Variants in NUP98 observed in about 807,000 individuals in gnomAD.
NUP98 encodes nucleoporin 98 and 96 precursor.
In NUP98, 26 loss-of-function variants were observed where a neutral mutation model predicts 191.9. The ratio of observed to expected loss-of-function variants is 0.14; its 90% CI spans 0.10 to 0.19. The LOEUF is 0.19. Among genes scored for constraint, NUP98 ranks in the 10% least tolerant of loss-of-function variants. NUP98 has a pLI of 1.00. For synonymous variants in NUP98, 808 were observed against 778.4 expected (o/e 1.04, Z -0.63); for missense variants, 1,941 against 2,178.8 (o/e 0.89, Z 2.17).
intron 13 of NUP98, among the ~76,000 whole-genome samples, chr11:3,732,980 A>G (rs560549434): frequency 6.6e-6 from 1 of 152,386 alleles, no homozygotes; most frequent in East Asian, 1.9e-4. Flanking sequence ...CTGAAAACAA[A>G]GCCTTATCAA....
chr11:3,797,379 C>G (rs2082718489), intron 1 of NUP98, 21 bp downstream of exon 1: 1 of 402,220 alleles, frequency 2.5e-6, no homozygotes, highest in African/African-American at 2.1e-5. Flanking sequence ...TCGGCCGCTG[C>G]AGCTCGGGCT....
At chr11:3,758,961 C>T (rs1292331420) in intron 10 of NUP98, among the ~76,000 whole-genome samples, 2 of 152,192 alleles carry the variant, frequency 1.3e-5, no homozygotes, top group African/African-American at 4.8e-5. Flanking sequence ...AAACCAAACA[C>T]ATCAATTTAG....
intron 17 of NUP98, 111 bp from the exon 18 acceptor site, chr11:3,719,661 A>G (rs2079318991): frequency 1.3e-6 from 1 of 743,252 alleles, no homozygotes; most frequent in Non-Finnish European, 2.0e-6. Context: ...AAGTATTAGT[A>G]TTTTAAATAA....
At chr11:3,708,002 G>A (rs1488141243) in intron 20 of NUP98, among the ~76,000 whole-genome samples, 1 of 152,084 alleles carries the variant, frequency 6.6e-6, no homozygotes, top group African/African-American at 2.4e-5. Flanking sequence ...TTAGGAGGCT[G>A]AGGCAGGAAA....
intron 20 of NUP98, 94 bp downstream of exon 20, chr11:3,712,470 A>C (rs962928614): frequency 6.4e-7 from 1 of 1,561,770 alleles, no homozygotes; most frequent in Non-Finnish European, 8.7e-7. Flanking sequence ...TCAAAGTTCC[A>C]AGGGTCATAA....
chr11:3,722,237 G>A (rs1232348050), intron 16 of NUP98, among the ~76,000 whole-genome samples: 2 of 148,812 alleles, frequency 1.3e-5, no homozygotes, highest in African/African-American at 5.0e-5. Flanking sequence ...CTCAGCTTCC[G>A]TAGTAGCTGC....
chr11:3,742,804 C>G (rs2080333770), intron 12 of NUP98, among the ~76,000 whole-genome samples: 1 of 150,984 alleles, frequency 6.6e-6, no homozygotes, highest in African/African-American at 2.4e-5. Flanking sequence ...GAAATATTAT[C>G]ACCTTGTTGA....
At chr11:3,708,724 T>TAAA (rs201767459) in intron 20 of NUP98, among the ~76,000 whole-genome samples, 6 of 123,840 alleles carry the variant, frequency 4.8e-5, no homozygotes, top group Non-Finnish European at 8.8e-5. Flanking sequence ...AAGGTGTACT[T>TAAA]AAAAAAAAAA....
chr11:3,760,470 C>G, intron 10 of NUP98, 69 bp downstream of exon 10: 1 of 1,612,984 alleles, frequency 6.2e-7, no homozygotes, highest in Non-Finnish European at 8.5e-7. Context: ...GAGAGCCAAA[C>G]CTGCTTTTTA....
At chr11:3,722,900 A>G (rs577140777) in intron 16 of NUP98, among the ~76,000 whole-genome samples, 8 of 152,210 alleles carry the variant, frequency 5.3e-5, no homozygotes, top group Admixed American at 5.2e-4. Flanking sequence ...CTCTTTGGCT[A>G]TAAAATTTGG....
chr11:3,678,281 CGA>C (rs141653723), intron 31 of NUP98, among the ~76,000 whole-genome samples: 14,054 of 152,078 alleles, frequency 0.092, 830 homozygotes, highest in Non-Finnish European at 0.14. Flanking sequence ...TTCTTTCAGA[CGA>C]GAGAGGTAGT....
intron 6 of NUP98, 22 bp downstream of exon 6, chr11:3,773,610 T>C: frequency 7.3e-7 from 1 of 1,368,758 alleles, no homozygotes; most frequent in Non-Finnish European, 1.0e-6. Context: ...TAGACTGACA[T>C]TCTGTATTGT....
chr11:3,781,829 C>T (rs1725074804), intron 2 of NUP98, among the ~76,000 whole-genome samples: 4 of 152,060 alleles, frequency 2.6e-5, no homozygotes, highest in Non-Finnish European at 4.4e-5. Context: ...GTATCTTCTA[C>T]TGACAATCAG....
chr11:3,772,265 A>T (rs1728271962), intron 6 of NUP98, among the ~76,000 whole-genome samples: 1 of 152,076 alleles, frequency 6.6e-6, no homozygotes, highest in South Asian at 2.1e-4. Flanking sequence ...AATAAAAATT[A>T]TAGTGAATTA....
At chr11:3,722,447 T>G (rs975744404) in intron 16 of NUP98, among the ~76,000 whole-genome samples, 2 of 150,416 alleles carry the variant, frequency 1.3e-5, no homozygotes, top group Non-Finnish European at 2.9e-5. Flanking sequence ...TTCCTTATGA[T>G]ACTAAGTAAC....
At chr11:3,795,308 T>C (rs1038491284) in intron 1 of NUP98, among the ~76,000 whole-genome samples, 2 of 152,120 alleles carry the variant, frequency 1.3e-5, no homozygotes, top group Non-Finnish European at 2.9e-5. Context: ...TAGCTGGGTA[T>C]GGTGGTGCAC....
intron 31 of NUP98, among the ~76,000 whole-genome samples, chr11:3,677,917 G>A (rs1049776773): frequency 6.6e-6 from 1 of 152,116 alleles, no homozygotes; most frequent in Non-Finnish European, 1.5e-5. Context: ...ATTTAGTAGA[G>A]GCCGAGGTCA....
At chr11:3,720,925 T>C (rs2079369181) in intron 16 of NUP98, 100 bp from the exon 17 acceptor site, 1 of 614,086 alleles carries the variant, frequency 1.6e-6, no homozygotes, top group South Asian at 2.0e-5. Context: ...ATGAAGAATT[T>C]TCCAAACTAC....
intron 28 of NUP98, among the ~76,000 whole-genome samples, chr11:3,689,568 G>C (rs1462886142): frequency 6.6e-6 from 1 of 151,968 alleles, no homozygotes; most frequent in Non-Finnish European, 1.5e-5. Context: ...CACTGAGATA[G>C]TTCTAATTAC....
Sources: gnomAD v4.1 joint callset for allele counts (sites outside exome capture counted in the v4.1 genomes callset) on GRCh38, gnomAD v4.1.1 for gene constraint, MANE v1.5 for transcripts, NCBI Gene and HGNC (gene_info 2026-07-23, HGNC 2026-07-21) for gene names.